The following DRC11 variants were observed in gnomAD, a reference collection of about 807,000 sequenced individuals.
The protein encoded by DRC11 is IQ and AAA domain-containing protein 1.
At chr2:236,354,363 T>C in the DRC11 span, among the ~76,000 whole-genome samples, 1 of 138,696 alleles carries the variant, frequency 7.2e-6, no homozygotes, top group Non-Finnish European at 1.6e-5. Flanking sequence ...GGGGGGCAGG[T>C]TGGTGCTAGT....
the DRC11 span, among the ~76,000 whole-genome samples, chr2:236,416,737 A>ATATATATATATT: frequency 1.9e-5 from 1 of 52,178 alleles, no homozygotes; most frequent in Non-Finnish European, 4.0e-5. Context: ...ATATATATAT[A>ATATATATATATT]TATATATATA....
chr2:236,454,117 C>G, the DRC11 span, among the ~76,000 whole-genome samples: 1 of 152,086 alleles, frequency 6.6e-6, no homozygotes, highest in Non-Finnish European at 1.5e-5. This position sits in a 1 kb window ranked among gnomAD's most constrained non-coding sequence, Gnocchi z 5.3. Flanking sequence ...CAGAAAAGCA[C>G]AATAGAGGGT....
the DRC11 span, among the ~76,000 whole-genome samples, chr2:236,352,331 T>C: frequency 2.0e-5 from 3 of 151,884 alleles, no homozygotes; most frequent in South Asian, 4.2e-4. This position sits in a 1 kb window ranked among gnomAD's most constrained non-coding sequence, Gnocchi z 7.0. Context: ...GGGCAGACAG[T>C]AAGCCTGGGG....
chr2:236,490,748 T>C, the DRC11 span, among the ~76,000 whole-genome samples: 1 of 151,898 alleles, frequency 6.6e-6, no homozygotes, highest in Admixed American at 6.6e-5. This position sits in a 1 kb window ranked among gnomAD's most constrained non-coding sequence, Gnocchi z 5.5. Context: ...AGATGGACAA[T>C]AATTTTCATG....
At chr2:236,441,663 G>T in the DRC11 span, among the ~76,000 whole-genome samples, 1 of 152,062 alleles carries the variant, frequency 6.6e-6, no homozygotes, top group Non-Finnish European at 1.5e-5. Flanking sequence ...TTAATGTTGA[G>T]AATTTCAGAA....
At chr2:236,365,760 G>A in the DRC11 span, among the ~76,000 whole-genome samples, 3 of 152,078 alleles carry the variant, frequency 2.0e-5, no homozygotes, top group Non-Finnish European at 2.9e-5. The surrounding 1 kb of genome is among the most constrained non-coding windows in gnomAD (Gnocchi z 7.4). Flanking sequence ...CTCTTCAACG[G>A]GGGCCTGGCT....
chr2:236,504,799 G>C, the DRC11 span, among the ~76,000 whole-genome samples: 2 of 152,130 alleles, frequency 1.3e-5, no homozygotes, highest in African/African-American at 4.8e-5. This position sits in a 1 kb window ranked among gnomAD's most constrained non-coding sequence, Gnocchi z 5.0. Flanking sequence ...TTTATCAGGG[G>C]CTTTTCTCCC....
At chr2:236,352,960 A>C in the DRC11 span, among the ~76,000 whole-genome samples, 2 of 152,160 alleles carry the variant, frequency 1.3e-5, no homozygotes, top group Admixed American at 6.5e-5. This position sits in a 1 kb window ranked among gnomAD's most constrained non-coding sequence, Gnocchi z 7.0. Context: ...GTACTGTCAC[A>C]CTGCCCCCCC....
chr2:236,391,064 C>T, the DRC11 span: 3 of 152,304 alleles, frequency 2.0e-5, no homozygotes, highest in Non-Finnish European at 1.5e-5. The surrounding 1 kb of genome is among the most constrained non-coding windows in gnomAD (Gnocchi z 4.5). Context: ...GTGCTGCAGC[C>T]TCTCACCTGA....
At chr2:236,448,756 C>T in the DRC11 span, among the ~76,000 whole-genome samples, 20 of 152,248 alleles carry the variant, frequency 1.3e-4, 1 homozygote, top group East Asian at 2.3e-3. This position sits in a 1 kb window ranked among gnomAD's most constrained non-coding sequence, Gnocchi z 5.3. Flanking sequence ...GGCTGGTGGT[C>T]GGGGCAGAGA....
the DRC11 span, among the ~76,000 whole-genome samples, chr2:236,421,188 C>T: frequency 3.3e-4 from 50 of 152,086 alleles, no homozygotes; most frequent in Admixed American, 2.2e-3. Context: ...AAGCTAGCAG[C>T]AGGCAAAAAA....
the DRC11 span, among the ~76,000 whole-genome samples, chr2:236,358,163 AAT>A: frequency 1.6e-5 from 2 of 122,548 alleles, no homozygotes; most frequent in Non-Finnish European, 1.6e-5. Flanking sequence ...ATACTATATG[AAT>A]ATATAATATA....
the DRC11 span, among the ~76,000 whole-genome samples, chr2:236,356,708 G>A: frequency 0.012 from 1,724 of 148,530 alleles, 15 homozygotes; most frequent in South Asian, 0.027. Context: ...CAGGGCGGAG[G>A]TCAGAAAAAG....
chr2:236,331,830 C>T, the DRC11 span: 6 of 504,418 alleles, frequency 1.2e-5, no homozygotes, highest in African/African-American at 1.1e-4. This position sits in a 1 kb window ranked among gnomAD's most constrained non-coding sequence, Gnocchi z 4.8. Context: ...TCCACAAGTG[C>T]CCTGCAAATT....
chr2:236,474,444 A>G, the DRC11 span, among the ~76,000 whole-genome samples: 1 of 152,286 alleles, frequency 6.6e-6, no homozygotes, highest in Non-Finnish European at 1.5e-5. Flanking sequence ...GTGTTTAGCC[A>G]TTGCCTAAGT....
At chr2:236,432,728 G>A in the DRC11 span, among the ~76,000 whole-genome samples, 1 of 152,070 alleles carries the variant, frequency 6.6e-6, no homozygotes, top group Admixed American at 6.5e-5. Context: ...TTACTCAGGG[G>A]TCATTGTTTC....
the DRC11 span, among the ~76,000 whole-genome samples, chr2:236,491,151 T>TAC: frequency 2.7e-5 from 2 of 72,808 alleles, no homozygotes; most frequent in Non-Finnish European, 5.4e-5. Flanking sequence ...AGTATATATA[T>TAC]ACACACAGTA....
At chr2:236,386,145 T>A in the DRC11 span, among the ~76,000 whole-genome samples, 7 of 150,050 alleles carry the variant, frequency 4.7e-5, no homozygotes, top group Admixed American at 2.0e-4. Context: ...TGTCTCTGCC[T>A]GGCTTTGGTA....
the DRC11 span, among the ~76,000 whole-genome samples, chr2:236,351,498 G>C: frequency 1.3e-5 from 2 of 152,216 alleles, no homozygotes; most frequent in African/African-American, 4.8e-5. The surrounding 1 kb of genome is among the most constrained non-coding windows in gnomAD (Gnocchi z 7.3). Context: ...ACTTCTGGAA[G>C]GGGTCAGAAA....
Sources: gnomAD v4.1 joint callset for allele counts (sites outside exome capture counted in the v4.1 genomes callset) on GRCh38, gnomAD v4.1.1 for gene constraint, Gnocchi (gnomAD v3.1) non-coding constraint, MANE v1.5 for transcripts, NCBI Gene and HGNC (gene_info 2026-07-23, HGNC 2026-07-21) for gene names.